VPS4A: variants seen among roughly 807,000 people sequenced by gnomAD.
VPS4A encodes vacuolar protein sorting 4 homolog A.
Under a neutral mutation model 52.3 loss-of-function variants are expected in VPS4A, and 20 were observed. The observed-to-expected ratio is 0.38, with a 90% confidence interval of 0.27 to 0.56. The LOEUF (loss-of-function observed/expected upper bound fraction) is 0.56, where lower values mean the gene tolerates loss of function less well. Ranked by LOEUF, VPS4A falls within the 20% of genes least tolerant of loss-of-function variation. The pLI, the probability that VPS4A is intolerant of heterozygous loss-of-function variation, is 0.72. For synonymous variants in VPS4A, 293 were observed against 227.7 expected (o/e 1.29, Z -2.58); for missense variants, 419 against 575.9 (o/e 0.73, Z 2.79).
At chr16:69,322,461 C>CCA in intron 9 of VPS4A, 99 bp from the exon 10 acceptor site, 1 of 1,340,470 alleles carries the variant, frequency 7.5e-7, no homozygotes, top group Non-Finnish European at 9.9e-7. Flanking sequence ...TGCTAGGGAC[C>CCA]CACAGAGCAT....
chr16:69,313,298 T>C (rs181037828), intron 1 of VPS4A, among the ~76,000 whole-genome samples: 1 of 152,246 alleles, frequency 6.6e-6, no homozygotes, highest in East Asian at 1.9e-4. Context: ...CTCACCCATT[T>C]AAAGTGTATA....
In VPS4A at chr16:69,324,250, A is replaced by T; in HGVS notation, c.1255A>T (p.Asn419Tyr). ...RSLATTRPTV[N>Y]ADDLLKVKKF... ...TCTGGCCACCACCCGGCCCACGGTGAATGCAGACGACCTCCTGAAAGTGAA... is the reference window on the plus strand; with the variant it reads ...TCTGGCCACCACCCGGCCCACGGTGTATGCAGACGACCTCCTGAAAGTGAA... Residue 419 changes from asparagine to tyrosine, a missense_variant, in exon 11 of 11, where the codon AAT becomes TAT. By Grantham distance (143) the Asn-to-Tyr change is moderately radical. Around this residue, in one of 3 missense-constraint regions of VPS4A, gnomAD observed 185 missense variants for 200.2 expected, o/e 0.92. Coordinates refer to ENST00000254950, the MANE Select transcript of VPS4A (RefSeq NM_013245.3). 6.2e-7 allele frequency: 1 copy of T among 1,613,920 alleles called. No individual in the cohort carries two copies. The highest frequency in any genetic ancestry group is 8.5e-7 in the Non-Finnish European group (1 of 1,179,880).
In VPS4A at chr16:69,320,894, AAGCAG is replaced by A; in HGVS notation, c.851+129_851+133del. ...CCTGGAGTCTTCCCGTCTGCCTGCCAAGCAGAGCCCTTTGTGAGGCTGGCTTGTTG... is the reference window on the plus strand; with the variant it reads ...CCTGGAGTCTTCCCGTCTGCCTGCCAAGCCCTTTGTGAGGCTGGCTTGTTG... On this transcript the variant is annotated intron_variant, in intron 8 of 10. Transcript: ENST00000254950. This position sits in a 1 kb window ranked among gnomAD's most constrained non-coding sequence, Gnocchi z 4.2. The A allele has an allele frequency of 8.0e-7, 1 of 1,248,844 alleles. No homozygotes were observed. The highest frequency in any genetic ancestry group is 1.5e-5 in the African/African-American group (1 of 67,090). 77.4% of individuals were successfully genotyped at this position (1,248,844 alleles called of 1,614,324 possible). A position where few individuals can be genotyped will look rare whatever the true frequency, so the allele number is the denominator to read the frequency against.
At position 69,320,016 on chromosome 16, in the gene VPS4A, C is replaced by T. The variant is rs1392123488; in HGVS notation, c.621-125C>T. On this transcript the variant is annotated intron_variant, in intron 6 of 10. Transcript: ENST00000254950. This position sits in a 1 kb window ranked among gnomAD's most constrained non-coding sequence, Gnocchi z 4.2. The stretch of plus-strand genomic sequence containing the variant: ...CGAGGGCTCCTCACCACCACGTTTT[C>T]CGCAATTCCGGCATGACCGTGGCCT... The T allele has an allele frequency of 3.7e-6, 5 of 1,337,978 alleles. No homozygotes were observed. In the East Asian group the frequency reaches 1.0e-4, roughly 27 times the overall value. 82.9% of individuals were successfully genotyped at this position (1,337,978 alleles called of 1,614,324 possible). A position where few individuals can be genotyped will look rare whatever the true frequency, so the allele number is the denominator to read the frequency against.
chr16:69,319,609 C>A, intron 6 of VPS4A, 66 bp downstream of exon 6: 1 of 1,548,314 alleles, frequency 6.5e-7, no homozygotes, highest in Non-Finnish European at 8.7e-7. Context: ...AGCGGCCCAC[C>A]CTGTGGAGTC....
Position 69,311,407 on chromosome 16 carries a change from GC to G in VPS4A, c.-102del. 8.4e-7 allele frequency: 1 copy of G among 1,186,024 alleles called. No homozygotes were observed. Among genetic ancestry groups the G allele is most frequent in the Non-Finnish European group, 1.1e-6 (1 of 940,330 alleles). 73.5% of individuals were successfully genotyped at this position (1,186,024 alleles called of 1,614,324 possible). A position where few individuals can be genotyped will look rare whatever the true frequency, so the allele number is the denominator to read the frequency against. ...GCCCTGCCCGCGCACCGCGCTCAGC[GC>G]CCACCGCCGGGCTTCCCGCGCCGGA... On this transcript the variant is annotated 5_prime_UTR_variant, in exon 1 of 11. Coordinates refer to ENST00000254950, the MANE Select transcript of VPS4A (RefSeq NM_013245.3).
chr16:69,320,070 G>C lies in VPS4A; in HGVS notation c.621-71G>C. Reference sequence around the variant, plus strand: ...CCTCCCTGTGGGAAGGGTGAGAAGAGGGAAGTGCCGGGAGCCCAGGCGGGC... The same window carrying C: ...CCTCCCTGTGGGAAGGGTGAGAAGACGGAAGTGCCGGGAGCCCAGGCGGGC... On this transcript the variant is annotated intron_variant, in intron 6 of 10. Coordinates refer to ENST00000254950, the MANE Select transcript of VPS4A (RefSeq NM_013245.3). The surrounding 1 kb of genome is among the most constrained non-coding windows in gnomAD (Gnocchi z 4.2). The C allele has an allele frequency of 6.5e-7, 1 of 1,528,814 alleles. No individual in the cohort carries two copies. Among genetic ancestry groups the C allele is most frequent in the Non-Finnish European group, 8.9e-7 (1 of 1,129,526 alleles). 94.7% of individuals were successfully genotyped at this position (1,528,814 alleles called of 1,614,324 possible).
chr16:69,316,511 A>G (rs1422526596), intron 3 of VPS4A, 139 bp downstream of exon 3: 2 of 1,187,010 alleles, frequency 1.7e-6, no homozygotes, highest in African/African-American at 1.5e-5. Flanking sequence ...AGCTGCTTTC[A>G]GGGAGCATGG....
intron 3 of VPS4A, among the ~76,000 whole-genome samples, chr16:69,316,808 C>A (rs1198543354): frequency 1.2e-4 from 19 of 152,172 alleles, no homozygotes; most frequent in Admixed American, 1.2e-3. Flanking sequence ...CTGTGACTGT[C>A]AAAGAGTCAC....
At chr16:69,313,957 T>G (rs1334581702) in intron 1 of VPS4A, among the ~76,000 whole-genome samples, 1 of 151,508 alleles carries the variant, frequency 6.6e-6, no homozygotes, top group Non-Finnish European at 1.5e-5. Flanking sequence ...AAAAACTGTA[T>G]GTGGCTGCCA....
At chr16:69,318,122 C>T (rs1467533139) in intron 3 of VPS4A, among the ~76,000 whole-genome samples, 2 of 151,712 alleles carry the variant, frequency 1.3e-5, no homozygotes, top group Admixed American at 6.6e-5. Flanking sequence ...ACCATAGGTG[C>T]GTGCCACCAT....
In VPS4A at chr16:69,318,634, C is replaced by G; in HGVS notation, c.282-16C>G. On this transcript the variant is annotated splice_polypyrimidine_tract_variant and intron_variant, in intron 3 of 10. Coordinates refer to ENST00000254950, the MANE Select transcript of VPS4A (RefSeq NM_013245.3). ...GGCTGAAGGGCCAGCTTGTGACTTT[C>G]CGTCTCCCTTCCCAGCAGTGACAGT... The G allele has an allele frequency of 6.3e-7, 1 of 1,598,830 alleles. No individual in the cohort carries two copies. The highest frequency in any genetic ancestry group is 8.5e-7 in the Non-Finnish European group (1 of 1,172,840).
chr16:69,316,617 G>A (rs746158558), intron 3 of VPS4A, among the ~76,000 whole-genome samples: 9 of 152,124 alleles, frequency 5.9e-5, no homozygotes, highest in South Asian at 2.1e-4. Context: ...CTCTCAGGAC[G>A]GGACCCCAGC....
At chr16:69,314,729 C>A (rs1965415071) in intron 1 of VPS4A, among the ~76,000 whole-genome samples, 1 of 152,134 alleles carries the variant, frequency 6.6e-6, no homozygotes, top group Admixed American at 6.6e-5. Context: ...TCGGAGACTT[C>A]TTCCTTGCAG....
At chr16:69,324,026 A>C (rs916980568) in intron 10 of VPS4A, among the ~76,000 whole-genome samples, 182 bp from the exon 11 acceptor site, 3 of 150,530 alleles carry the variant, frequency 2.0e-5, no homozygotes, top group South Asian at 2.1e-4. Flanking sequence ...GACCAGGAGG[A>C]GGCCCATCTG....
chr16:69,317,856 G>T (rs149037767), intron 3 of VPS4A, among the ~76,000 whole-genome samples: 1 of 151,198 alleles, frequency 6.6e-6, no homozygotes, highest in Non-Finnish European at 1.5e-5. Flanking sequence ...GGAGGCTGAC[G>T]CCAGAGAATT....
intron 6 of VPS4A, among the ~76,000 whole-genome samples, chr16:69,319,829 G>A (rs1394659233): frequency 6.6e-6 from 1 of 152,200 alleles, no homozygotes; most frequent in African/African-American, 2.4e-5. Flanking sequence ...TGGGGGACAT[G>A]GTTCCCCACA....
Position 69,320,355 on chromosome 16 carries a change from T to C in VPS4A, c.769+66T>C. The C allele has an allele frequency of 6.3e-7, 1 of 1,578,276 alleles. No homozygotes were observed. Among genetic ancestry groups the C allele is most frequent in the Non-Finnish European group, 8.6e-7 (1 of 1,156,912 alleles). On this transcript the variant is annotated intron_variant, in intron 7 of 10. Coordinates refer to ENST00000254950, the MANE Select transcript of VPS4A (RefSeq NM_013245.3). This position sits in a 1 kb window ranked among gnomAD's most constrained non-coding sequence, Gnocchi z 4.2. ...CTGAAGCCAACCCTGGGCTTTATTC[T>C]GAGCTGCGGCTGGATTTGGTTGTTC...
chr16:69,311,624 C>T (rs1965379045), intron 1 of VPS4A, 92 bp downstream of exon 1: 3 of 1,185,780 alleles, frequency 2.5e-6, no homozygotes, highest in Non-Finnish European at 1.1e-6. Flanking sequence ...GTCAGGTGGG[C>T]GCCTCCCAGC....
Sources: allele counts gnomAD v4.1 joint callset (sites outside exome capture counted in the v4.1 genomes callset), GRCh38; gene constraint gnomAD v4.1.1; regional missense constraint gnomAD v4.1.1; non-coding constraint Gnocchi (gnomAD v3.1); transcripts MANE v1.5; gene names NCBI Gene and HGNC (gene_info 2026-07-23, HGNC 2026-07-21).